The following APPL2 variants were observed in gnomAD, a reference collection of about 807,000 sequenced individuals.
The protein encoded by APPL2 is DCC-interacting protein 13-beta.
Under a neutral mutation model 92.7 loss-of-function variants are expected in APPL2, and 84 were observed. That is an observed-to-expected ratio of 0.91 (90% CI 0.76 to 1.09). The LOEUF is 1.09. APPL2 is among the 50% of genes least tolerant of loss of function. APPL2 has a pLI of 0.00. For synonymous variants in APPL2, 291 were observed against 291.0 expected (o/e 1.00, Z 0.00); for missense variants, 736 against 824.5 (o/e 0.89, Z 1.31).
chr12:105,174,306 C>G lies in APPL2; in HGVS notation c.*8G>C. On this transcript the variant is annotated 3_prime_UTR_variant, in exon 21 of 21. Transcript: ENST00000258530. Reference sequence around the variant, plus strand: ...CCTGTTTGCTCTTCCCCCACAGGCGCAAGTGAGTTATGCTTCGGATTCTGC... The same window carrying G: ...CCTGTTTGCTCTTCCCCCACAGGCGGAAGTGAGTTATGCTTCGGATTCTGC... 6.2e-7 allele frequency: 1 copy of G among 1,613,240 alleles called. No individual in the cohort carries two copies. The highest frequency in any genetic ancestry group is 8.5e-7 in the Non-Finnish European group (1 of 1,179,582).
intron 17 of APPL2, among the ~76,000 whole-genome samples, chr12:105,182,174 C>A (rs1305936099): frequency 6.6e-6 from 1 of 152,104 alleles, no homozygotes; most frequent in Non-Finnish European, 1.5e-5. Flanking sequence ...TACATAGGTG[C>A]CTGCCACCAC....
At chr12:105,207,923 A>G (rs1036022091) in intron 7 of APPL2, 48 bp downstream of exon 7, 7 of 1,540,014 alleles carry the variant, frequency 4.5e-6, no homozygotes, top group South Asian at 1.1e-5. Flanking sequence ...AAGGCATGAA[A>G]GGCCTTTATG....
At chr12:105,175,280 A>C (rs1024820762) in intron 20 of APPL2, among the ~76,000 whole-genome samples, 2 of 152,226 alleles carry the variant, frequency 1.3e-5, no homozygotes, top group Admixed American at 6.5e-5. Context: ...ACTTTTGACC[A>C]ATACCATTAA....
chr12:105,212,209 A>G (rs1254151224), intron 4 of APPL2, among the ~76,000 whole-genome samples: 2 of 152,104 alleles, frequency 1.3e-5, no homozygotes, highest in Non-Finnish European at 2.9e-5. Flanking sequence ...TGAGAATAAG[A>G]TAACTGCATT....
chr12:105,214,418 A>C (rs1029662368), intron 4 of APPL2, among the ~76,000 whole-genome samples: 1 of 152,154 alleles, frequency 6.6e-6, no homozygotes, highest in Non-Finnish European at 1.5e-5. Context: ...TTATCTTTCT[A>C]CTGTTCATTA....
intron 5 of APPL2, among the ~76,000 whole-genome samples, chr12:105,208,472 G>A (rs945082081): frequency 2.0e-5 from 3 of 152,176 alleles, no homozygotes; most frequent in Non-Finnish European, 2.9e-5. Context: ...AGGGCACGCC[G>A]GGGAGGTGGG....
chr12:105,215,200 G>C (rs1367839981), intron 4 of APPL2, among the ~76,000 whole-genome samples: 1 of 152,206 alleles, frequency 6.6e-6, no homozygotes, highest in East Asian at 1.9e-4. Context: ...GCCTAGACTT[G>C]CAATTGGCAT....
In APPL2 at chr12:105,174,321, T is replaced by G. The variant is rs1192001752; in HGVS notation, c.1988A>C (p.Glu663Ala). The part of the protein sequence containing the change: ...NPNEHRGAES[E>A]A Reference sequence around the variant, plus strand: ...CCCACAGGCGCAAGTGAGTTATGCTTCGGATTCTGCGCCTCTATGTTCGTT... The same window carrying G: ...CCCACAGGCGCAAGTGAGTTATGCTGCGGATTCTGCGCCTCTATGTTCGTT... The change falls in exon 21 of 21, where the codon GAA becomes GCA. Residue 663 changes from glutamate to alanine, a missense_variant. Glu to Ala is a moderately radical substitution (Grantham distance 107). Transcript: ENST00000258530. The G allele has an allele frequency of 3.7e-6, 6 of 1,613,866 alleles. No individual in the cohort carries two copies. Among genetic ancestry groups the G allele is most frequent in the Non-Finnish European group, 4.2e-6 (5 of 1,179,888 alleles).
At chr12:105,201,515 C>A (rs1888200402) in intron 9 of APPL2, among the ~76,000 whole-genome samples, 2 of 152,056 alleles carry the variant, frequency 1.3e-5, no homozygotes, top group South Asian at 4.1e-4. Flanking sequence ...CAGAAAGACA[C>A]GGGCACCAAC....
rs765929408 is a variant in APPL2, at chr12:105,197,754, G to A, written c.1052+11C>T. 35 of 1,613,980 alleles carry A rather than the reference G, an allele frequency of 2.2e-5. No individual in the cohort carries two copies. The highest frequency in any genetic ancestry group is 2.7e-5 in the African/African-American group (2 of 74,916). On this transcript the variant is annotated intron_variant, in intron 11 of 20. Transcript: ENST00000258530. ...CTCATTCTCCTCCCAAATAAAACGC[G>A]TGAAACATACGATTTTCCATTGGGC...
At chr12:105,224,333 G>T (rs972505811) in intron 2 of APPL2, among the ~76,000 whole-genome samples, 1 of 152,160 alleles carries the variant, frequency 6.6e-6, no homozygotes, top group Non-Finnish European at 1.5e-5. Context: ...GTTATTCTGG[G>T]ATACAAAAAG....
At chr12:105,200,860 G>GTATCTATC (rs1317631288) in intron 9 of APPL2, among the ~76,000 whole-genome samples, 101 of 112,548 alleles carry the variant, frequency 9.0e-4, no homozygotes, top group African/African-American at 1.6e-3. Flanking sequence ...ATGTATGTAT[G>GTATCTATC]TATGTATCTA....
chr12:105,199,643 G>A (rs952602074), intron 9 of APPL2, 112 bp from the exon 10 acceptor site: 5 of 1,193,434 alleles, frequency 4.2e-6, no homozygotes, highest in Non-Finnish European at 5.8e-6. Flanking sequence ...CTTACAGATG[G>A]AGCTGCCAGC....
intron 2 of APPL2, among the ~76,000 whole-genome samples, chr12:105,221,807 G>A (rs1890120942): frequency 6.6e-6 from 1 of 152,226 alleles, no homozygotes; most frequent in Admixed American, 6.5e-5. Context: ...TGTTGCCAAG[G>A]CAGAAAATCA....
chr12:105,207,630 T>C (rs1374738157), intron 7 of APPL2, among the ~76,000 whole-genome samples: 2 of 152,182 alleles, frequency 1.3e-5, no homozygotes, highest in Non-Finnish European at 2.9e-5. Flanking sequence ...GCGAAGGTCC[T>C]AGAAAGCATG....
chr12:105,185,784 G>T (rs1311234009), intron 17 of APPL2, among the ~76,000 whole-genome samples: 1 of 152,026 alleles, frequency 6.6e-6, no homozygotes, highest in African/African-American at 2.4e-5. Flanking sequence ...CACTGCAGGG[G>T]TATGTTTACT....
intron 16 of APPL2, among the ~76,000 whole-genome samples, chr12:105,189,085 T>C (rs1298698524): frequency 6.6e-6 from 1 of 152,084 alleles, no homozygotes; most frequent in African/African-American, 2.4e-5. Context: ...ATGGCATGAT[T>C]TCAGCTCACT....
At chr12:105,194,483 G>A (rs1887471174) in intron 14 of APPL2, among the ~76,000 whole-genome samples, 1 of 152,156 alleles carries the variant, frequency 6.6e-6, no homozygotes, top group Non-Finnish European at 1.5e-5. Context: ...TTGAGGTCAG[G>A]AGTTCAAGAC....
intron 17 of APPL2, among the ~76,000 whole-genome samples, chr12:105,179,292 C>T (rs967040643): frequency 2.0e-5 from 3 of 152,176 alleles, no homozygotes; most frequent in African/African-American, 4.8e-5. Context: ...CAGCTTCATC[C>T]ATGTCCCTGC....
Sources: allele counts gnomAD v4.1 joint callset (sites outside exome capture counted in the v4.1 genomes callset), GRCh38; gene constraint gnomAD v4.1.1; transcripts MANE v1.5; gene names NCBI Gene and HGNC (gene_info 2026-07-23, HGNC 2026-07-21).